The following RGS6 variants were observed in gnomAD, a reference collection of about 807,000 sequenced individuals.
RGS6 encodes regulator of G protein signaling 6.
A neutral mutation model predicts 78.5 loss-of-function variants in RGS6; 30 were observed. That is an observed-to-expected ratio of 0.38 (90% CI 0.29 to 0.52). RGS6 has a LOEUF of 0.52. Among genes scored for constraint, RGS6 ranks in the 20% least tolerant of loss-of-function variants. The pLI, the probability that RGS6 is intolerant of heterozygous loss-of-function variation, is 0.85. For synonymous variants in RGS6, 206 were observed against 206.0 expected, an observed-to-expected ratio of 1.00 and a Z score of 0.00; for missense variants, 495 against 609.7, an observed-to-expected ratio of 0.81 and a Z score of 1.98.
intron 2 of RGS6, among the ~76,000 whole-genome samples, chr14:72,276,085 C>T (rs948548468): frequency 3.9e-5 from 6 of 152,162 alleles, no homozygotes; most frequent in Non-Finnish European, 8.8e-5. Context: ...GGGTACATGT[C>T]TGCCCATAAA....
intron 3 of RGS6, among the ~76,000 whole-genome samples, chr14:72,374,403 T>C (rs971614260): frequency 6.6e-6 from 1 of 152,214 alleles, no homozygotes. Flanking sequence ...TCCATGTCCC[T>C]ACAAAGGACG....
intron 3 of RGS6, among the ~76,000 whole-genome samples, chr14:72,443,368 C>T (rs914229276): frequency 6.6e-6 from 1 of 152,214 alleles, no homozygotes; most frequent in African/African-American, 2.4e-5. Context: ...TACTCACACA[C>T]CCTGCTGTGC....
chr14:72,578,168 T>G, the RGS6 span, among the ~76,000 whole-genome samples: 165 of 152,330 alleles, frequency 1.1e-3, no homozygotes, highest in African/African-American at 3.8e-3. Context: ...GAAAGATGCT[T>G]CTTTTACTAA....
intron 2 of RGS6, among the ~76,000 whole-genome samples, chr14:72,205,251 C>G (rs2042454137): frequency 6.6e-6 from 1 of 152,134 alleles, no homozygotes; most frequent in Non-Finnish European, 1.5e-5. Context: ...AAGATACTAT[C>G]CTTGTACCCA....
At chr14:72,392,690 G>A (rs1053267576) in intron 3 of RGS6, among the ~76,000 whole-genome samples, 3 of 152,104 alleles carry the variant, frequency 2.0e-5, no homozygotes, top group African/African-American at 4.8e-5. Context: ...GAAACATTCA[G>A]GAAAGGAGAT....
At chr14:72,399,199 A>G (rs1212447942) in intron 3 of RGS6, among the ~76,000 whole-genome samples, 1 of 149,596 alleles carries the variant, frequency 6.7e-6, no homozygotes, top group Non-Finnish European at 1.5e-5. Context: ...GGCTTGCTTT[A>G]TGAATCTGGG....
chr14:72,228,016 A>G (rs570417656), intron 2 of RGS6, among the ~76,000 whole-genome samples: 36 of 152,306 alleles, frequency 2.4e-4, no homozygotes, highest in African/African-American at 5.8e-4. Context: ...ATCTTGATGA[A>G]TAAGTAGGAT....
chr14:72,400,854 G>A (rs1015824574), intron 3 of RGS6, among the ~76,000 whole-genome samples: 3 of 152,186 alleles, frequency 2.0e-5, no homozygotes, highest in African/African-American at 7.2e-5. Context: ...AGAAGGAGAA[G>A]CTCGGTCTTT....
At chr14:72,433,635 T>C (rs890813458) in intron 3 of RGS6, among the ~76,000 whole-genome samples, 3 of 152,156 alleles carry the variant, frequency 2.0e-5, no homozygotes, top group Non-Finnish European at 4.4e-5. Context: ...TGGTCTTCTG[T>C]AGCTTTCAAA....
chr14:72,453,481 T>G (rs897128155), intron 3 of RGS6, among the ~76,000 whole-genome samples: 1 of 148,630 alleles, frequency 6.7e-6, no homozygotes, highest in East Asian at 2.0e-4. Flanking sequence ...CCGGGCGTAG[T>G]GGCAGGCGCC....
chr14:72,115,308 G>C (rs1178067980), intron 2 of RGS6, among the ~76,000 whole-genome samples: 2 of 152,180 alleles, frequency 1.3e-5, no homozygotes, highest in African/African-American at 2.4e-5. Flanking sequence ...GTCTCTCTCT[G>C]ATGCTGGGAC....
intron 15 of RGS6, 115 bp from the exon 16 acceptor site, chr14:72,536,071 A>G (rs189105700): frequency 4.9e-4 from 384 of 786,174 alleles, no homozygotes; most frequent in Non-Finnish European, 7.5e-4. Flanking sequence ...GGTACATGCA[A>G]ACATACCTAG....
the RGS6 span, among the ~76,000 whole-genome samples, chr14:71,879,507 C>A: frequency 6.6e-6 from 1 of 152,134 alleles, no homozygotes; most frequent in African/African-American, 2.4e-5. Flanking sequence ...CCATAATTCC[C>A]ATGTGTTGTG....
At chr14:71,895,434 G>A in the RGS6 span, among the ~76,000 whole-genome samples, 8 of 151,766 alleles carry the variant, frequency 5.3e-5, no homozygotes, top group African/African-American at 1.7e-4. Context: ...TGATCTGCCC[G>A]CCTCAGACTC....
At chr14:72,246,027 T>C (rs2054137019) in intron 2 of RGS6, among the ~76,000 whole-genome samples, 1 of 152,232 alleles carries the variant, frequency 6.6e-6, no homozygotes, top group Non-Finnish European at 1.5e-5. Context: ...TCCAAATTCC[T>C]TCAACCTAAA....
chr14:71,982,137 G>C (rs988708573), intron 2 of RGS6, among the ~76,000 whole-genome samples: 2 of 152,346 alleles, frequency 1.3e-5, no homozygotes, highest in African/African-American at 4.8e-5. Context: ...GCCTCGCCCT[G>C]CTTCGGCTGG....
chr14:71,939,624 A>G (rs2090163401), intron 1 of RGS6, among the ~76,000 whole-genome samples: 1 of 152,240 alleles, frequency 6.6e-6, no homozygotes, highest in African/African-American at 2.4e-5. Flanking sequence ...ATGGCTGCAT[A>G]CCAAGTACTA....
Position 72,342,725 on chromosome 14 carries a change from CAAAAAAAAAAAAA to C in RGS6, c.85-9357_85-9345del, listed in dbSNP as rs58717636. On this transcript the variant is annotated intron_variant, in intron 2 of 17. Coordinates refer to ENST00000553525, the MANE Select transcript of RGS6 (RefSeq NM_001204424.2). ...AGCCTGTGCAACAGAGGCTTTGTCT[CAAAAAAAAAAAAA>C]AAAAAAAAAAAAGTTCCCAGAAATA... 8.4e-5 allele frequency among the ~76,000 whole-genome samples: 6 copies of C among 71,424 alleles called. No individual in the cohort carries two copies. In the South Asian group the frequency reaches 3.8e-3, roughly 46 times the overall value. 46.9% of individuals were successfully genotyped at this position (71,424 alleles called of 152,430 possible).
At chr14:72,319,520 T>C (rs1422433295) in intron 2 of RGS6, among the ~76,000 whole-genome samples, 1 of 151,812 alleles carries the variant, frequency 6.6e-6, no homozygotes, top group African/African-American at 2.4e-5. Flanking sequence ...CCCGGCTAAT[T>C]TTTTTGTATT....
Sources: allele counts gnomAD v4.1 joint callset (sites outside exome capture counted in the v4.1 genomes callset), GRCh38; gene constraint gnomAD v4.1.1; transcripts MANE v1.5; gene names NCBI Gene and HGNC (gene_info 2026-07-23, HGNC 2026-07-21).